The following CYP20A1 variants were observed in gnomAD, a reference collection of about 807,000 sequenced individuals.
CYP20A1 encodes the protein cytochrome P450 family 20 subfamily A member 1, also known as cytochrome P450 20A1.
A neutral mutation model predicts 61.4 loss-of-function variants in CYP20A1; 61 were observed. The ratio of observed to expected loss-of-function variants is 0.99; its 90% confidence interval spans 0.81 to 1.23. CYP20A1 has a LOEUF of 1.23. Among genes scored for constraint, CYP20A1 ranks in the 50% most tolerant of loss-of-function variants. The pLI is 0.00. For synonymous variants in CYP20A1, 193 were observed against 188.2 expected, an observed-to-expected ratio of 1.03 and a Z score of -0.21; for missense variants, 530 against 542.4, an observed-to-expected ratio of 0.98 and a Z score of 0.23.
At chr2:203,277,103 C>T (rs1053068631) in intron 6 of CYP20A1, among the ~76,000 whole-genome samples, 3 of 151,184 alleles carry the variant, frequency 2.0e-5, no homozygotes, top group Admixed American at 6.6e-5. Flanking sequence ...AATCCCGGCA[C>T]TTTGGAAGGC....
At chr2:203,240,082 C>T (rs1425518291) in intron 1 of CYP20A1, among the ~76,000 whole-genome samples, 1 of 152,132 alleles carries the variant, frequency 6.6e-6, no homozygotes, top group Non-Finnish European at 1.5e-5. Context: ...GCGACAGAGC[C>T]AGACTCTTAT....
At chr2:203,266,016 A>G (rs150367212) in intron 4 of CYP20A1, among the ~76,000 whole-genome samples, 1 of 152,234 alleles carries the variant, frequency 6.6e-6, no homozygotes, top group East Asian at 1.9e-4. Context: ...TCTTTTTACT[A>G]GACTCTGTTT....
intron 4 of CYP20A1, among the ~76,000 whole-genome samples, chr2:203,258,094 G>A (rs1209037552): frequency 3.5e-5 from 5 of 140,882 alleles, no homozygotes; most frequent in African/African-American, 7.5e-5. Flanking sequence ...GTAGAGATGC[G>A]GTCACACTAT....
At chr2:203,287,041 C>T (rs987290938) in intron 9 of CYP20A1, among the ~76,000 whole-genome samples, 3 of 149,802 alleles carry the variant, frequency 2.0e-5, no homozygotes, top group Non-Finnish European at 4.5e-5. Flanking sequence ...CATGGCAAAA[C>T]CCTATCTCTA....
chr2:203,269,423 C>A (rs2067468686), intron 5 of CYP20A1, among the ~76,000 whole-genome samples: 1 of 151,484 alleles, frequency 6.6e-6, no homozygotes, highest in East Asian at 1.9e-4. Flanking sequence ...TAGAGTGAGA[C>A]CCTGTCTCAA....
At chr2:203,274,591 A>G (rs1253516379) in intron 6 of CYP20A1, among the ~76,000 whole-genome samples, 1 of 152,218 alleles carries the variant, frequency 6.6e-6, no homozygotes, top group Non-Finnish European at 1.5e-5. Context: ...TATACATTAT[A>G]GTATTGCTTC....
intron 4 of CYP20A1, among the ~76,000 whole-genome samples, chr2:203,263,146 G>T (rs796906484): frequency 2.0e-5 from 3 of 151,154 alleles, no homozygotes; most frequent in Non-Finnish European, 4.4e-5. Flanking sequence ...CTGCCACTAT[G>T]CCCGGATAAT....
chr2:203,275,576 AT>A (rs1201614006), intron 6 of CYP20A1, among the ~76,000 whole-genome samples: 1 of 151,944 alleles, frequency 6.6e-6, no homozygotes, highest in Non-Finnish European at 1.5e-5. Flanking sequence ...AGTAGCTGGG[AT>A]TACAGACGCC....
chr2:203,273,179 AT>A (rs2067677573), intron 6 of CYP20A1, among the ~76,000 whole-genome samples: 1 of 152,052 alleles, frequency 6.6e-6, no homozygotes, highest in East Asian at 1.9e-4. Context: ...TTTTTTCTAT[AT>A]TTTCTACAAT....
At chr2:203,262,507 C>T (rs991697550) in intron 4 of CYP20A1, among the ~76,000 whole-genome samples, 2 of 151,978 alleles carry the variant, frequency 1.3e-5, no homozygotes, top group South Asian at 2.1e-4. Flanking sequence ...TTTGTTTATG[C>T]TCTTATGTTT....
rs2068848846 is a variant in CYP20A1 at position 203,297,419 on chromosome 2, C to T, written c.*511C>T. ...CCCCATCTCTACTAAAAATACAAAA[C>T]ATTGGCCGGGAGTGGTGGCTCATGC... On this transcript the variant is annotated 3_prime_UTR_variant, in exon 13 of 13. Coordinates refer to ENST00000356079, the MANE Select transcript of CYP20A1 (RefSeq NM_177538.3). The T allele has an allele frequency of 1.3e-5, 2 of 152,028 alleles. No homozygotes were observed. Among genetic ancestry groups the T allele is most frequent in the African/African-American group, 4.9e-5 (2 of 40,878 alleles). The allele number at this position is 152,028 out of a possible 1,614,324, so 9.4% of individuals were successfully genotyped here.
Position 203,272,681 on chromosome 2 carries a change from G to A in CYP20A1, c.612G>A (p.Glu204=). 1 of 1,603,614 alleles carries A rather than the reference G, an allele frequency of 6.2e-7. No homozygotes were observed. The highest frequency in any genetic ancestry group is 8.5e-7 in the Non-Finnish European group (1 of 1,176,182). ...TTACCTATTTTCAGGTTTGGTCTGA[G>A]ATTGGAAAAGGCTTTCTAGATGGGT... ...FQKNHGTVWS[E]IGKGFLDGSL... Residue 204 remains glutamate (E), a synonymous_variant, in exon 6 of 13, where the codon GAG becomes GAA. Transcript: ENST00000356079.
chr2:203,277,548 T>C (rs2067874979), intron 6 of CYP20A1, among the ~76,000 whole-genome samples: 1 of 151,884 alleles, frequency 6.6e-6, no homozygotes. Context: ...TATTTATTTA[T>C]TCTCTCGCCC....
At chr2:203,276,127 A>G (rs2067810644) in intron 6 of CYP20A1, among the ~76,000 whole-genome samples, 1 of 152,224 alleles carries the variant, frequency 6.6e-6, no homozygotes, top group South Asian at 2.1e-4. Flanking sequence ...AGAATATTCC[A>G]TGTAGAGGAA....
Position 203,299,729 on chromosome 2 carries a change from C to G in CYP20A1, c.*2821C>G, listed in dbSNP as rs1025548616. The stretch of plus-strand genomic sequence containing the variant: ...GTCTCTACTAAAAATACAAAATTAG[C>G]CAGGCTTGGTGGTGCATGCCTGTAA... On this transcript the variant is annotated 3_prime_UTR_variant, in exon 13 of 13. Coordinates refer to ENST00000356079, the MANE Select transcript of CYP20A1 (RefSeq NM_177538.3). Among the ~76,000 whole-genome samples the G allele has an allele frequency of 1.3e-5, 2 of 152,004 alleles. No homozygotes were observed. Among genetic ancestry groups the G allele is most frequent in the African/African-American group, 4.8e-5 (2 of 41,394 alleles).
At chr2:203,285,868 G>A in intron 9 of CYP20A1, 136 bp downstream of exon 9, 1 of 738,268 alleles carries the variant, frequency 1.4e-6, no homozygotes, top group Non-Finnish European at 2.0e-6. Context: ...GATTTTATTA[G>A]GTAAATGAAT....
intron 4 of CYP20A1, 145 bp downstream of exon 4, chr2:203,252,254 A>G (rs2066718525): frequency 6.5e-6 from 4 of 619,422 alleles, no homozygotes; most frequent in Admixed American, 7.5e-5. Flanking sequence ...AACGACAACA[A>G]TAACAAAACA....
Position 203,252,368 on chromosome 2 carries a change from GTA to G in CYP20A1, c.432+261_432+262del, listed in dbSNP as rs1365073222. On this transcript the variant is annotated intron_variant, in intron 4 of 12. Coordinates refer to ENST00000356079, the MANE Select transcript of CYP20A1 (RefSeq NM_177538.3). The stretch of plus-strand genomic sequence containing the variant: ...CACCTGAAGAAGTTTCTGTATGTAT[GTA>G]TGTGTATATATATATATATATTTTG... Among the ~76,000 whole-genome samples, 243 of 48,864 alleles carry G rather than the reference GTA, an allele frequency of 5.0e-3. 1 individual carries two copies. Among genetic ancestry groups the G allele is most frequent in the African/African-American group, 9.9e-3 (223 of 22,460 alleles). 32.1% of individuals were successfully genotyped at this position (48,864 alleles called of 152,430 possible).
At chr2:203,263,452 G>C (rs2067214716) in intron 4 of CYP20A1, among the ~76,000 whole-genome samples, 1 of 151,744 alleles carries the variant, frequency 6.6e-6, no homozygotes, top group Non-Finnish European at 1.5e-5. Flanking sequence ...ACCAGGCCTG[G>C]CTAATTTTTG....
Sources: gnomAD v4.1 joint callset for allele counts (sites outside exome capture counted in the v4.1 genomes callset) on GRCh38, gnomAD v4.1.1 for gene constraint, MANE v1.5 for transcripts, NCBI Gene and HGNC (gene_info 2026-07-23, HGNC 2026-07-21) for gene names.